ANKS6: variants seen among roughly 807,000 people sequenced by gnomAD.
ANKS6 encodes the protein ankyrin repeat and sterile alpha motif domain containing 6.
ANKS6 carries 47 observed loss-of-function variants against 77.9 expected under a neutral mutation model. The ratio of observed to expected loss-of-function variants is 0.60; its 90% CI spans 0.48 to 0.77. The LOEUF is 0.77. Ranked by LOEUF, ANKS6 falls within the 30% of genes least tolerant of loss-of-function variation. ANKS6 has a pLI of 0.00. For missense variants in ANKS6, 1,150 were observed against 1,159.1 expected (o/e 0.99, Z 0.11); for synonymous variants, 488 against 501.7 (o/e 0.97, Z 0.37).
rs561068090 is a variant in ANKS6 at position 98,779,031 on chromosome 9, C to A, written c.1369-607G>T. Among the ~76,000 whole-genome samples the A allele has an allele frequency of 2.0e-5, 3 of 152,234 alleles. No homozygotes were observed. The East Asian group carries it at 5.8e-4, about 29-fold the overall frequency. On this transcript the variant is annotated intron_variant, in intron 6 of 14. Coordinates refer to ENST00000353234, the MANE Select transcript of ANKS6 (RefSeq NM_173551.5). ...CTGCCTGTGGAAATGGCAGTAAGAG[C>A]AGGAATGAAGGGAGCTATGAGAACA...
intron 2 of ANKS6, among the ~76,000 whole-genome samples, chr9:98,789,183 T>A (rs1834748409): frequency 6.6e-6 from 1 of 152,112 alleles, no homozygotes; most frequent in Admixed American, 6.5e-5. Context: ...GAAGCTACTT[T>A]CTTCAGTGCT....
At chr9:98,781,403 C>T (rs2118109240) in intron 5 of ANKS6, among the ~76,000 whole-genome samples, 1 of 152,254 alleles carries the variant, frequency 6.6e-6, no homozygotes, top group East Asian at 1.9e-4. Flanking sequence ...TGTATGAGAT[C>T]CAGCGAGAGT....
At chr9:98,786,010 GCT>G (rs1385164224) in intron 2 of ANKS6, among the ~76,000 whole-genome samples, 4 of 152,082 alleles carry the variant, frequency 2.6e-5, no homozygotes, top group Non-Finnish European at 5.9e-5. Flanking sequence ...ATGGAGTCTC[GCT>G]CTGTCACCCA....
At chr9:98,789,433 A>AG (rs1229671096) in intron 2 of ANKS6, among the ~76,000 whole-genome samples, 1 of 151,760 alleles carries the variant, frequency 6.6e-6, no homozygotes, top group African/African-American at 2.4e-5. Context: ...GAAGTTAAAA[A>AG]AAAAAAAAAA....
At chr9:98,740,183 T>C (rs1831746418) in intron 14 of ANKS6, among the ~76,000 whole-genome samples, 1 of 152,168 alleles carries the variant, frequency 6.6e-6, no homozygotes, top group Non-Finnish European at 1.5e-5. Flanking sequence ...GGACTCCCCA[T>C]AGCCCAGAGG....
chr9:98,785,545 G>A (rs538541511), intron 2 of ANKS6, among the ~76,000 whole-genome samples: 2 of 152,190 alleles, frequency 1.3e-5, no homozygotes, highest in Non-Finnish European at 2.9e-5. Flanking sequence ...TGCTGCAGCC[G>A]CCAGATGTTA....
At chr9:98,766,941 C>G (rs914248362) in intron 11 of ANKS6, among the ~76,000 whole-genome samples, 3 of 152,140 alleles carry the variant, frequency 2.0e-5, no homozygotes, top group African/African-American at 7.2e-5. Context: ...GACATAGAGT[C>G]CCCTCAGAGG....
intron 14 of ANKS6, among the ~76,000 whole-genome samples, chr9:98,739,163 G>A (rs1283466947): frequency 1.3e-5 from 2 of 151,734 alleles, no homozygotes; most frequent in Admixed American, 1.3e-4. Context: ...TACATATAGG[G>A]GGCAGTGTAT....
At chr9:98,768,430 T>G (rs1471108843) in intron 10 of ANKS6, among the ~76,000 whole-genome samples, 180 bp from the exon 11 acceptor site, 1 of 152,132 alleles carries the variant, frequency 6.6e-6, no homozygotes, top group African/African-American at 2.4e-5. Flanking sequence ...GGTAGATGTT[T>G]AGGCAGCAGG....
chr9:98,735,798 T>A lies in ANKS6; in HGVS notation c.*721A>T. The A allele has an allele frequency of 8.1e-7, 1 of 1,231,742 alleles. No homozygotes were observed. The highest frequency in any genetic ancestry group is 3.2e-5 in the East Asian group (1 of 31,714). 76.3% of individuals were successfully genotyped at this position (1,231,742 alleles called of 1,614,324 possible). ...TCTTTGCAATAAAGAAAAATGCGTTTGACATACACATCTCCAATGTAAGCT... is the reference window on the plus strand; with the variant it reads ...TCTTTGCAATAAAGAAAAATGCGTTAGACATACACATCTCCAATGTAAGCT... On this transcript the variant is annotated 3_prime_UTR_variant, in exon 15 of 15. Coordinates refer to ENST00000353234, the MANE Select transcript of ANKS6 (RefSeq NM_173551.5).
At chr9:98,795,455 C>T (rs751430737) in intron 1 of ANKS6, among the ~76,000 whole-genome samples, 1 of 152,160 alleles carries the variant, frequency 6.6e-6, no homozygotes, top group Non-Finnish European at 1.5e-5. Flanking sequence ...AACTCCCTGG[C>T]ATCTGCCTTC....
At chr9:98,756,909 T>C (rs937887408) in intron 11 of ANKS6, among the ~76,000 whole-genome samples, 14 of 137,348 alleles carry the variant, frequency 1.0e-4, no homozygotes, top group African/African-American at 3.4e-4. Context: ...GCTACTTGCA[T>C]TGTGGCTTTG....
At chr9:98,778,109 G>T in intron 7 of ANKS6, 117 bp downstream of exon 7, 1 of 1,196,594 alleles carries the variant, frequency 8.4e-7, no homozygotes, top group Non-Finnish European at 1.2e-6. Flanking sequence ...CTATGCTCCA[G>T]TGTCCCATTC....
At chr9:98,770,860 C>G in intron 10 of ANKS6, 36 bp downstream of exon 10, 5 of 1,399,306 alleles carry the variant, frequency 3.6e-6, no homozygotes, top group Non-Finnish European at 4.7e-6. Context: ...CAAGGGATCA[C>G]CCCACCTCCC....
At chr9:98,757,137 T>A (rs1185919005) in intron 11 of ANKS6, among the ~76,000 whole-genome samples, 1 of 152,180 alleles carries the variant, frequency 6.6e-6, no homozygotes. Context: ...AGAACAGAGT[T>A]CCCACATACC....
chr9:98,769,968 T>C (rs1833533975), intron 10 of ANKS6, among the ~76,000 whole-genome samples: 1 of 152,198 alleles, frequency 6.6e-6, no homozygotes, highest in South Asian at 2.1e-4. Flanking sequence ...AGATTATACT[T>C]TGTTTTAGTC....
chr9:98,758,355 AGT>A (rs1337436229), intron 11 of ANKS6, among the ~76,000 whole-genome samples: 21 of 150,022 alleles, frequency 1.4e-4, no homozygotes. Flanking sequence ...TCTTTTTAAA[AGT>A]ATTTGCCTAC....
intron 12 of ANKS6, among the ~76,000 whole-genome samples, chr9:98,753,348 T>C (rs1021066514): frequency 3.3e-5 from 5 of 152,202 alleles, no homozygotes; most frequent in African/African-American, 1.2e-4. Flanking sequence ...GGTGAGCAAC[T>C]TGGCTGAATC....
At chr9:98,789,137 A>T (rs1834744969) in intron 2 of ANKS6, among the ~76,000 whole-genome samples, 1 of 151,806 alleles carries the variant, frequency 6.6e-6, no homozygotes, top group Admixed American at 6.6e-5. Flanking sequence ...ATGGTAACAA[A>T]CTTAACACTT....
Sources: gnomAD v4.1 joint callset for allele counts (sites outside exome capture counted in the v4.1 genomes callset) on GRCh38, gnomAD v4.1.1 for gene constraint, MANE v1.5 for transcripts, NCBI Gene and HGNC (gene_info 2026-07-23, HGNC 2026-07-21) for gene names.